CCDC171: variants seen among roughly 807,000 people sequenced by gnomAD.
CCDC171 encodes coiled-coil domain containing 171, also known as coiled-coil domain-containing protein 171.
CCDC171 carries 177 observed loss-of-function variants against 168.2 expected under a neutral mutation model. The observed-to-expected ratio is 1.05, with a 90% CI of 0.93 to 1.19. The LOEUF is 1.19. CCDC171 is among the 50% of genes most tolerant of loss of function. The pLI is 0.00. For synonymous variants in CCDC171, 687 were observed against 540.8 expected, an observed-to-expected ratio of 1.27 and a Z score of -3.75; for missense variants, 1,991 against 1,539.0, an observed-to-expected ratio of 1.29 and a Z score of -4.91.
chr9:15,655,408 G>A (rs1448186339), intron 7 of CCDC171, among the ~76,000 whole-genome samples: 4 of 152,144 alleles, frequency 2.6e-5, no homozygotes, highest in Non-Finnish European at 2.9e-5. Flanking sequence ...GTCCCGAACA[G>A]ATTCTTGGTC....
chr9:15,782,313 A>G (rs2057705586), intron 20 of CCDC171, among the ~76,000 whole-genome samples: 2 of 152,176 alleles, frequency 1.3e-5, no homozygotes, highest in South Asian at 2.1e-4. Flanking sequence ...CCCCAGTCTC[A>G]TGATCTTTGT....
At chr9:15,865,845 C>CGT (rs1285086348) in intron 23 of CCDC171, among the ~76,000 whole-genome samples, 756 of 60,774 alleles carry the variant, frequency 0.012, 6 homozygotes, top group African/African-American at 0.03. Context: ...TTCAACTCTG[C>CGT]GTGCGTGTGT....
chr9:16,030,918 A>G (rs1368916687), intron 6 of CCDC171, among the ~76,000 whole-genome samples: 1 of 152,188 alleles, frequency 6.6e-6, no homozygotes, highest in African/African-American at 2.4e-5. Flanking sequence ...ACTTCAAAGC[A>G]GAAAGAGAAT....
At chr9:15,868,506 A>AGAGG (rs1563905741) in intron 23 of CCDC171, among the ~76,000 whole-genome samples, 3 of 151,332 alleles carry the variant, frequency 2.0e-5, no homozygotes, top group Non-Finnish European at 4.4e-5. Context: ...TGTGAGAGAG[A>AGAGG]GAGAGAGAGA....
intron 7 of CCDC171, among the ~76,000 whole-genome samples, chr9:15,640,063 G>T (rs2046482996): frequency 6.6e-6 from 1 of 152,138 alleles, no homozygotes; most frequent in Admixed American, 6.5e-5. Context: ...CTGCTTTTTA[G>T]TTGACCTATA....
Position 15,789,842 on chromosome 9 carries a change from A to G in CCDC171, c.3267+5148A>G, listed in dbSNP as rs557417467. Reference sequence around the variant, plus strand: ...GTTCAGTTCCCACCTACGAATGAGAACATGCGGTGTTTGGTTTTTTGTCCC... The same window carrying G: ...GTTCAGTTCCCACCTACGAATGAGAGCATGCGGTGTTTGGTTTTTTGTCCC... On this transcript the variant is annotated intron_variant, in intron 21 of 25. Transcript: ENST00000380701. 2.7e-5 allele frequency among the ~76,000 whole-genome samples: 4 copies of G among 147,574 alleles called. No homozygotes were observed. The South Asian group carries it at 8.6e-4, about 32-fold the overall frequency.
chr9:16,094,357 G>A, the CCDC171 span, among the ~76,000 whole-genome samples: 4 of 152,186 alleles, frequency 2.6e-5, no homozygotes, highest in Non-Finnish European at 4.4e-5. Flanking sequence ...GTCTCAAAAT[G>A]GTTCATGTGT....
chr9:15,736,408 T>C (rs867986619), intron 16 of CCDC171, among the ~76,000 whole-genome samples: 1 of 152,090 alleles, frequency 6.6e-6, no homozygotes, highest in African/African-American at 2.4e-5. Context: ...TAGAGGTCAG[T>C]CGTGCGATCA....
At chr9:15,950,277 C>T (rs1329132928) in intron 25 of CCDC171, among the ~76,000 whole-genome samples, 1 of 151,960 alleles carries the variant, frequency 6.6e-6, no homozygotes, top group Admixed American at 6.6e-5. Context: ...CAGAGAACAC[C>T]ACAAAGATAC....
intron 16 of CCDC171, 50 bp downstream of exon 16, chr9:15,729,848 C>A: frequency 7.5e-6 from 11 of 1,470,790 alleles, no homozygotes; most frequent in South Asian, 3.9e-5. Flanking sequence ...TCAGTGTAAC[C>A]ATTAGAAACT....
chr9:16,092,912 C>T, the CCDC171 span, among the ~76,000 whole-genome samples: 2 of 152,240 alleles, frequency 1.3e-5, no homozygotes, highest in East Asian at 3.9e-4. Flanking sequence ...TGGCCCTGTG[C>T]AGCCTGGTGG....
intron 25 of CCDC171, among the ~76,000 whole-genome samples, chr9:15,968,117 G>A (rs564340097): frequency 1.3e-5 from 2 of 152,286 alleles, no homozygotes; most frequent in South Asian, 4.1e-4. Flanking sequence ...GTATTTAGCT[G>A]ATGGACTATA....
chr9:15,623,867 G>T (rs1374596138), intron 7 of CCDC171, among the ~76,000 whole-genome samples: 1 of 152,142 alleles, frequency 6.6e-6, no homozygotes, highest in Non-Finnish European at 1.5e-5. Context: ...CTTGGGAAAG[G>T]AGCATCAATT....
At chr9:15,664,443 T>C (rs1321596810) in intron 8 of CCDC171, among the ~76,000 whole-genome samples, 1 of 152,000 alleles carries the variant, frequency 6.6e-6, no homozygotes, top group Non-Finnish European at 1.5e-5. Context: ...GAGATGGGGT[T>C]TCACCATGTT....
At chr9:15,920,849 G>C (rs977611928) in intron 25 of CCDC171, among the ~76,000 whole-genome samples, 2 of 151,516 alleles carry the variant, frequency 1.3e-5, no homozygotes, top group Non-Finnish European at 3.0e-5. Context: ...CATAATACAT[G>C]CCTAGCTAAA....
chr9:15,651,249 C>G (rs188989814), intron 7 of CCDC171, among the ~76,000 whole-genome samples: 1 of 152,094 alleles, frequency 6.6e-6, no homozygotes, highest in Non-Finnish European at 1.5e-5. Context: ...GCTGGGATTA[C>G]AGGTGCCCGC....
intron 25 of CCDC171, among the ~76,000 whole-genome samples, chr9:15,950,874 A>C (rs1012434690): frequency 6.6e-6 from 1 of 151,144 alleles, no homozygotes; most frequent in Non-Finnish European, 1.5e-5. Context: ...GTATTCAGGA[A>C]AGCCATCTCA....
At chr9:15,742,478 C>G (rs79081516) in intron 16 of CCDC171, among the ~76,000 whole-genome samples, 2,041 of 152,256 alleles carry the variant, frequency 0.013, 52 homozygotes, top group African/African-American at 0.046. Context: ...AGCTATAAGC[C>G]AAGTGTCAAG....
chr9:15,942,179 T>A (rs775054615), intron 25 of CCDC171, among the ~76,000 whole-genome samples: 1 of 151,930 alleles, frequency 6.6e-6, no homozygotes, highest in Non-Finnish European at 1.5e-5. Context: ...GCTATGTGAG[T>A]AGGAGATTGC....
Sources: allele counts gnomAD v4.1 joint callset (sites outside exome capture counted in the v4.1 genomes callset), GRCh38; gene constraint gnomAD v4.1.1; transcripts MANE v1.5; gene names NCBI Gene and HGNC (gene_info 2026-07-23, HGNC 2026-07-21).